Variants in ATXN7 observed in about 807,000 individuals in gnomAD.
The protein encoded by ATXN7 is ataxin 7, also known as ataxin-7.
In ATXN7, 12 loss-of-function variants were observed where a neutral mutation model predicts 70.5. The ratio of observed to expected loss-of-function variants is 0.17; its 90% CI spans 0.11 to 0.28. The LOEUF (loss-of-function observed/expected upper bound fraction) is 0.28, where lower values mean the gene tolerates loss of function less well. Ranked by LOEUF, ATXN7 falls within the 10% of genes least tolerant of loss-of-function variation. The pLI, the probability that ATXN7 is intolerant of heterozygous loss-of-function variation, is 1.00. For synonymous variants in ATXN7, 498 were observed against 448.7 expected, an observed-to-expected ratio of 1.11 and a Z score of -1.39; for missense variants, 1,256 against 1,131.7, an observed-to-expected ratio of 1.11 and a Z score of -1.58.
intron 4 of ATXN7, among the ~76,000 whole-genome samples, chr3:63,933,934 A>C: frequency 6.6e-6 from 1 of 151,640 alleles, no homozygotes; most frequent in East Asian, 1.9e-4. Context: ...TTTTTTCCTA[A>C]ATTAGCCAGT....
At chr3:63,980,437 C>A in intron 6 of ATXN7, 1 of 463,070 alleles carries the variant, frequency 2.2e-6, no homozygotes, top group Non-Finnish European at 3.9e-6. Context: ...TGTACTATGT[C>A]ACTTATCACA....
At chr3:63,974,463 G>T (rs1291324940) in intron 5 of ATXN7, among the ~76,000 whole-genome samples, 1 of 152,220 alleles carries the variant, frequency 6.6e-6, no homozygotes, top group Non-Finnish European at 1.5e-5. Context: ...CCATTTCAGA[G>T]CAGGCAAGTT....
chr3:63,926,753 C>G (rs753897729), intron 4 of ATXN7, among the ~76,000 whole-genome samples: 35 of 152,230 alleles, frequency 2.3e-4, no homozygotes, highest in Non-Finnish European at 4.4e-4. Flanking sequence ...TCTTCTAAAC[C>G]TGCTAGACTT....
intron 1 of ATXN7, among the ~76,000 whole-genome samples, chr3:63,884,013 A>G (rs1702996357): frequency 6.6e-6 from 1 of 152,128 alleles, no homozygotes; most frequent in Admixed American, 6.6e-5. Context: ...ACTTGAAGAG[A>G]TAATTTTGTT....
chr3:63,992,199 A>G (rs3774727), intron 11 of ATXN7, among the ~76,000 whole-genome samples: 16,634 of 152,274 alleles, frequency 0.11, 1,108 homozygotes, highest in Middle Eastern at 0.17. Flanking sequence ...CAACCCAAAG[A>G]ACCATCTCCA....
rs1379791730 is a variant in ATXN7 at position 63,996,323 on chromosome 3, G to A, written c.2501G>A (p.Gly834Glu). Residue 834 changes from glycine to glutamate, a missense_variant, in exon 12 of 13, where the codon GGA (glycine) becomes GAA (glutamate). Coordinates refer to ENST00000674280, the MANE Select transcript of ATXN7 (RefSeq NM_001377405.1). ...CACACTCCTCTAGACAAACTCATAGGAAAGAAAAGAAAGTGCTCACCCAGC... is the reference window on the plus strand; with the variant it reads ...CACACTCCTCTAGACAAACTCATAGAAAAGAAAAGAAAGTGCTCACCCAGC... Reference protein sequence around the residue: ...HSHTPLDKLIGKKRKCSPSSS... With the variant: ...HSHTPLDKLIEKKRKCSPSSS... 6.2e-7 allele frequency: 1 copy of A among 1,613,986 alleles called. No homozygotes were observed.
At chr3:63,997,531 C>T in intron 12 of ATXN7, 1 of 1,084,762 alleles carries the variant, frequency 9.2e-7, no homozygotes, top group Non-Finnish European at 1.4e-6. Flanking sequence ...AGCTCTTCTG[C>T]CTGTTACTGA....
At chr3:63,863,554 CT>C (rs1702292002), upstream of ATXN7, 8 of 1,196,340 alleles carry the variant, frequency 6.7e-6, no homozygotes, top group South Asian at 3.0e-4. Context: ...AGCCGAGGGT[CT>C]CCGAGGGGCG....
At chr3:63,885,323 C>T (rs531907059) in intron 1 of ATXN7, among the ~76,000 whole-genome samples, 3 of 152,150 alleles carry the variant, frequency 2.0e-5, no homozygotes, top group South Asian at 4.2e-4. Flanking sequence ...TACAGATGGC[C>T]AACAGGTATA....
chr3:63,986,330 C>T (rs960963371), intron 8 of ATXN7, among the ~76,000 whole-genome samples: 2 of 152,168 alleles, frequency 1.3e-5, no homozygotes, highest in Non-Finnish European at 2.9e-5. Flanking sequence ...CAACCCCTAT[C>T]GGATTTCTGT....
At chr3:63,863,639 GA>G, upstream of ATXN7, 1 of 1,209,878 alleles carries the variant, frequency 8.3e-7, no homozygotes, top group South Asian at 3.8e-5. Flanking sequence ...GAGAGGTCGG[GA>G]AGGCCGAAGC....
intron 4 of ATXN7, among the ~76,000 whole-genome samples, chr3:63,931,577 C>G (rs887781791): frequency 3.9e-5 from 6 of 152,160 alleles, no homozygotes; most frequent in African/African-American, 1.4e-4. Context: ...CCAGTGTTCT[C>G]TTTTCCTTAT....
intron 4 of ATXN7, among the ~76,000 whole-genome samples, chr3:63,913,990 G>T (rs1196016826): frequency 6.6e-6 from 1 of 152,042 alleles, no homozygotes; most frequent in South Asian, 2.1e-4. Context: ...CTAGGCCTGG[G>T]CATACCGTGG....
At chr3:63,929,057 G>A (rs1704830221) in intron 4 of ATXN7, among the ~76,000 whole-genome samples, 1 of 152,094 alleles carries the variant, frequency 6.6e-6, no homozygotes, top group Non-Finnish European at 1.5e-5. Flanking sequence ...TGGAGAAATG[G>A]TTAACTCTGA....
chr3:63,998,265 G>A, intron 12 of ATXN7: 1 of 984,890 alleles, frequency 1.0e-6, no homozygotes, highest in Non-Finnish European at 1.2e-6. Context: ...GGGGGACATG[G>A]AGCAGCTGCT....
At chr3:63,940,577 A>T (rs1559640001) in intron 4 of ATXN7, among the ~76,000 whole-genome samples, 1 of 152,142 alleles carries the variant, frequency 6.6e-6, no homozygotes, top group Non-Finnish European at 1.5e-5. Context: ...TAACAAAATA[A>T]ACACTGTTCT....
In ATXN7 at chr3:63,995,953, T is replaced by C. The variant is rs2075751813; in HGVS notation, c.2131T>C (p.Ser711Pro). The change falls in exon 12 of 13, where the codon TCC (serine) becomes CCC (proline). Residue 711 changes from serine to proline, a missense_variant. Coordinates refer to ENST00000674280, the MANE Select transcript of ATXN7 (RefSeq NM_001377405.1). ...CTCAGGAAAGAAACGCAAAAACAGTTCCCCACTGTTGGTTCACTCTTCCTC... is the reference window on the plus strand; with the variant it reads ...CTCAGGAAAGAAACGCAAAAACAGTCCCCCACTGTTGGTTCACTCTTCCTC... ...GGSGKKRKNS[S>P]PLLVHSSSSS... is the part of the protein sequence containing the mutation. The C allele has an allele frequency of 6.2e-7, 1 of 1,613,958 alleles. No homozygotes were observed. The highest frequency in any genetic ancestry group is 1.3e-5 in the African/African-American group (1 of 74,888).
At chr3:63,887,872 C>T (rs1029965282) in intron 1 of ATXN7, among the ~76,000 whole-genome samples, 1 of 151,376 alleles carries the variant, frequency 6.6e-6, no homozygotes, top group African/African-American at 2.4e-5. Flanking sequence ...TGTCCTCAGC[C>T]TCTGTCTTCT....
chr3:63,952,420 T>G lies in ATXN7; in HGVS notation c.436T>G (p.Tyr146Asp). 1 of 1,612,622 alleles carries G rather than the reference T, an allele frequency of 6.2e-7. No homozygotes were observed. Among genetic ancestry groups the G allele is most frequent in the Non-Finnish European group, 8.5e-7 (1 of 1,179,654 alleles). ...FGFCPAHDDF[Y>D]LVVCNDCNQV... ...TTTCTGTCCAGCCCATGATGATTTC[T>G]ACTTGGTGGTGTGTAACGACTGTAA... The change falls in exon 5 of 13, where the codon TAC (tyrosine) becomes GAC (aspartate). Residue 146 changes from tyrosine (Y) to aspartate (D), a missense_variant. Coordinates refer to ENST00000674280, the MANE Select transcript of ATXN7 (RefSeq NM_001377405.1).
Sources: allele counts gnomAD v4.1 joint callset (sites outside exome capture counted in the v4.1 genomes callset), GRCh38; gene constraint gnomAD v4.1.1; transcripts MANE v1.5; gene names NCBI Gene and HGNC (gene_info 2026-07-23, HGNC 2026-07-21).